Variants in ERBB4 observed in about 807,000 individuals in gnomAD.
The protein encoded by ERBB4 is receptor tyrosine-protein kinase erbB-4.
In ERBB4, 42 loss-of-function variants were observed where a neutral mutation model predicts 158.0. The ratio of observed to expected loss-of-function variants is 0.27; its 90% CI spans 0.21 to 0.34. ERBB4 has a LOEUF of 0.34. ERBB4 is among the 10% of genes least tolerant of loss of function. The pLI is 1.00. For missense variants in ERBB4, 1,333 were observed against 1,624.1 expected, an observed-to-expected ratio of 0.82 and a Z score of 3.08; for synonymous variants, 583 against 558.7, an observed-to-expected ratio of 1.04 and a Z score of -0.61.
chr2:211,653,831 C>G (rs573672771), intron 16 of ERBB4, among the ~76,000 whole-genome samples: 1 of 151,830 alleles, frequency 6.6e-6, no homozygotes, highest in African/African-American at 2.4e-5. Flanking sequence ...TGTTCCACCA[C>G]GCCCGGCTAA....
chr2:211,400,576 AC>A (rs1427291491), intron 25 of ERBB4, among the ~76,000 whole-genome samples: 5 of 151,960 alleles, frequency 3.3e-5, no homozygotes, highest in Non-Finnish European at 7.4e-5. Context: ...AAAAATTAAC[AC>A]AATTGAAATT....
intron 3 of ERBB4, among the ~76,000 whole-genome samples, chr2:211,798,334 C>T: frequency 6.6e-6 from 1 of 152,056 alleles, no homozygotes; most frequent in East Asian, 1.9e-4. Context: ...TGCTTTAATT[C>T]ATAGGCTGTT....
At chr2:211,845,793 T>C (rs957275663) in intron 3 of ERBB4, among the ~76,000 whole-genome samples, 3 of 152,168 alleles carry the variant, frequency 2.0e-5, no homozygotes, top group African/African-American at 4.8e-5. Flanking sequence ...TTCAATCTTA[T>C]CTACTTTTTG....
intron 2 of ERBB4, among the ~76,000 whole-genome samples, chr2:211,978,388 G>GTCTATCTA (rs1230858327): frequency 3.6e-5 from 4 of 112,394 alleles, no homozygotes; most frequent in Admixed American, 9.0e-5. Flanking sequence ...CTGTCTGTCT[G>GTCTATCTA]TCTGTCTGTC....
At chr2:212,330,667 T>A (rs192067365) in intron 1 of ERBB4, among the ~76,000 whole-genome samples, 1 of 151,746 alleles carries the variant, frequency 6.6e-6, no homozygotes, top group Admixed American at 6.6e-5. Context: ...GATCAGTAGG[T>A]GGGGGCATAT....
At position 211,387,193 on chromosome 2, in the gene ERBB4, A is replaced by C. The variant is rs745840510; in HGVS notation, c.3184-43T>G. The C allele has an allele frequency of 3.0e-5, 43 of 1,424,110 alleles. No homozygotes were observed. The South Asian group carries it at 4.7e-4, about 16-fold the overall frequency. The allele number at this position is 1,424,110 out of a possible 1,614,324, so 88.2% of individuals were successfully genotyped here. ...ATATGTGGAGAGAAGGCGTTGTTAG[A>C]AATAGTTTAAAAATGAATGTTAATA... On this transcript the variant is annotated intron_variant, in intron 26 of 27. Coordinates refer to ENST00000342788, the MANE Select transcript of ERBB4 (RefSeq NM_005235.3).
intron 3 of ERBB4, among the ~76,000 whole-genome samples, chr2:211,931,483 T>C (rs1039630504): frequency 6.6e-6 from 1 of 152,088 alleles, no homozygotes; most frequent in Non-Finnish European, 1.5e-5. Flanking sequence ...CTCTGCTGAA[T>C]TGGAAGGGGT....
rs551878196 is a variant in ERBB4, at chr2:211,848,212, G to C, written c.422-60053C>G. On this transcript the variant is annotated intron_variant, in intron 3 of 27. Transcript: ENST00000342788. The stretch of plus-strand genomic sequence containing the variant: ...AGAATATTTAGAAACACAGCCCCTA[G>C]CTAAAGTGGGTCCATTTCTGGGTAT... Among the ~76,000 whole-genome samples the C allele has an allele frequency of 2.6e-5, 4 of 152,170 alleles. No individual in the cohort carries two copies. The South Asian group carries it at 6.2e-4, about 24-fold the overall frequency.
chr2:212,205,280 C>T (rs2082712992), intron 1 of ERBB4, among the ~76,000 whole-genome samples: 1 of 152,174 alleles, frequency 6.6e-6, no homozygotes, highest in Admixed American at 6.5e-5. Flanking sequence ...CCCACCTCAG[C>T]CTCCCAAGTA....
intron 16 of ERBB4, among the ~76,000 whole-genome samples, chr2:211,634,522 G>C (rs1190584874): frequency 6.6e-6 from 1 of 151,798 alleles, no homozygotes; most frequent in Non-Finnish European, 1.5e-5. Flanking sequence ...TTTTTTTCCT[G>C]AGAATTTATG....
At chr2:212,486,164 T>A (rs1024455380) in intron 1 of ERBB4, among the ~76,000 whole-genome samples, 1 of 150,398 alleles carries the variant, frequency 6.6e-6, no homozygotes. Flanking sequence ...GCAAACAAAA[T>A]AAGGGAGGTA....
At chr2:212,400,943 C>T (rs1404088933) in intron 1 of ERBB4, among the ~76,000 whole-genome samples, 1 of 152,106 alleles carries the variant, frequency 6.6e-6, no homozygotes, top group African/African-American at 2.4e-5. Flanking sequence ...CCTAAAAGAG[C>T]ACCTCTCATA....
At chr2:212,085,779 C>T (rs935594177) in intron 2 of ERBB4, among the ~76,000 whole-genome samples, 13 of 151,396 alleles carry the variant, frequency 8.6e-5, no homozygotes, top group Admixed American at 6.6e-4. Context: ...AAAGTGGCTT[C>T]GATATATAAA....
intron 5 of ERBB4, among the ~76,000 whole-genome samples, chr2:211,746,603 T>C (rs1283172441): frequency 1.3e-5 from 2 of 151,878 alleles, no homozygotes; most frequent in Non-Finnish European, 2.9e-5. Context: ...CCGAGGCGAG[T>C]GGATCACCTG....
chr2:211,912,532 GA>G (rs545561574), intron 3 of ERBB4, among the ~76,000 whole-genome samples: 6 of 151,720 alleles, frequency 4.0e-5, no homozygotes, highest in Non-Finnish European at 5.9e-5. Flanking sequence ...ACAAAAAAGA[GA>G]AAAAAAACTA....
chr2:211,510,595 C>T (rs189881370), intron 20 of ERBB4, among the ~76,000 whole-genome samples: 69 of 152,124 alleles, frequency 4.5e-4, no homozygotes, highest in African/African-American at 1.6e-3. Flanking sequence ...ATTCAAAATA[C>T]TCAGAATTCA....
rs112753493 is a variant in ERBB4, at chr2:212,451,114, C to T, written c.82+87335G>A. ...AATGAAGAATATTTTAAGAAGAATC[C>T]GAGAAGGAGGCAGACTTTTTATCTC... On this transcript the variant is annotated intron_variant, in intron 1 of 27. Transcript: ENST00000342788. Among the ~76,000 whole-genome samples the T allele has an allele frequency of 6.1e-3, 925 of 151,998 alleles. 14 individuals are homozygous for T. The highest frequency in any genetic ancestry group is 0.021 in the African/African-American group (852 of 41,464).
intron 3 of ERBB4, among the ~76,000 whole-genome samples, chr2:211,899,476 C>T (rs1387848330): frequency 6.6e-6 from 1 of 152,022 alleles, no homozygotes; most frequent in Non-Finnish European, 1.5e-5. Context: ...AGCAAGTTAA[C>T]AGACTGTTAC....
chr2:211,879,789 A>T (rs2078612114), intron 3 of ERBB4, among the ~76,000 whole-genome samples: 1 of 152,120 alleles, frequency 6.6e-6, no homozygotes, highest in Non-Finnish European at 1.5e-5. Flanking sequence ...ATTTACACAA[A>T]GAAATATCAA....
Sources: allele counts gnomAD v4.1 joint callset (sites outside exome capture counted in the v4.1 genomes callset), GRCh38; gene constraint gnomAD v4.1.1; transcripts MANE v1.5; gene names NCBI Gene and HGNC (gene_info 2026-07-23, HGNC 2026-07-21).